FOXJ3: variants seen among roughly 807,000 people sequenced by gnomAD.
FOXJ3 encodes the protein forkhead box J3.
A neutral mutation model predicts 76.1 loss-of-function variants in FOXJ3; 22 were observed. The ratio of observed to expected loss-of-function variants is 0.29; its 90% CI spans 0.21 to 0.41. The LOEUF is 0.41. Among genes scored for constraint, FOXJ3 ranks in the 10% least tolerant of loss-of-function variants. The probability of loss-of-function intolerance (pLI) is 1.00; values close to 1 mark genes in which losing one functional copy is unlikely to be tolerated. For missense variants in FOXJ3, 613 were observed against 762.1 expected (o/e 0.80, Z 2.30); for synonymous variants, 269 against 261.2 (o/e 1.03, Z -0.29).
intron 1 of FOXJ3, among the ~76,000 whole-genome samples, chr1:42,333,108 T>C (rs1211226036): frequency 6.6e-6 from 1 of 152,074 alleles, no homozygotes; most frequent in Admixed American, 6.5e-5. Context: ...AAAGCCTCAG[T>C]ATGTATCAGA....
At position 42,178,627 on chromosome 1, in the gene FOXJ3, TAC is replaced by T. The variant is rs1646258561; in HGVS notation, c.*1081_*1082del. The T allele has an allele frequency of 6.6e-6, 1 of 151,998 alleles. No individual in the cohort carries two copies. Among genetic ancestry groups the T allele is most frequent in the African/African-American group, 2.4e-5 (1 of 41,382 alleles). The allele number at this position is 151,998 out of a possible 1,614,324, so 9.4% of individuals were successfully genotyped here. The stretch of plus-strand genomic sequence containing the variant: ...TGGTGAAACCCCATCTCTACTAAAA[TAC>T]AAAAAATCAGCCAGGCATGGCGGTG... On this transcript the variant is annotated 3_prime_UTR_variant, in exon 13 of 13. Coordinates refer to ENST00000361346, the MANE Select transcript of FOXJ3 (RefSeq NM_014947.5).
chr1:42,305,043 T>C (rs1488248224), intron 2 of FOXJ3, among the ~76,000 whole-genome samples: 3 of 152,194 alleles, frequency 2.0e-5, no homozygotes, highest in Admixed American at 6.5e-5. Context: ...AATAACTGTA[T>C]AGGAGAAAGT....
intron 2 of FOXJ3, among the ~76,000 whole-genome samples, chr1:42,304,976 T>A (rs1415452463): frequency 1.3e-5 from 2 of 152,056 alleles, no homozygotes; most frequent in East Asian, 3.8e-4. Context: ...TGGCTGAAAA[T>A]ATCTGCAAAC....
chr1:42,332,985 T>C (rs1007608126), intron 1 of FOXJ3, among the ~76,000 whole-genome samples: 2 of 152,164 alleles, frequency 1.3e-5, no homozygotes, highest in African/African-American at 4.8e-5. Context: ...CGATATAAGT[T>C]GAAGCTTTCC....
intron 1 of FOXJ3, among the ~76,000 whole-genome samples, chr1:42,312,073 G>A (rs889851244): frequency 1.3e-5 from 2 of 152,184 alleles, no homozygotes; most frequent in Non-Finnish European, 2.9e-5. Flanking sequence ...CAACTGAAGA[G>A]AGCAAGTTCA....
At chr1:42,302,095 G>T (rs1346010461) in intron 2 of FOXJ3, among the ~76,000 whole-genome samples, 2 of 152,158 alleles carry the variant, frequency 1.3e-5, no homozygotes, top group Non-Finnish European at 2.9e-5. Context: ...GCCTTTGAAT[G>T]GTAGTTTTCC....
At chr1:42,237,149 G>A (rs564926728) in intron 4 of FOXJ3, among the ~76,000 whole-genome samples, 3 of 152,084 alleles carry the variant, frequency 2.0e-5, no homozygotes, top group Non-Finnish European at 4.4e-5. Flanking sequence ...GCCGAGGGGG[G>A]TGGATCACGA....
At chr1:42,260,080 T>C (rs1038260561) in intron 4 of FOXJ3, among the ~76,000 whole-genome samples, 9 of 152,230 alleles carry the variant, frequency 5.9e-5, no homozygotes, top group South Asian at 2.1e-4. Context: ...TAAACAGTCA[T>C]CATCTTCTTT....
intron 1 of FOXJ3, among the ~76,000 whole-genome samples, chr1:42,333,476 G>C (rs1656278505): frequency 6.6e-6 from 1 of 152,080 alleles, no homozygotes; most frequent in Non-Finnish European, 1.5e-5. Flanking sequence ...AAACCAAGAA[G>C]ATTCACCTCA....
At chr1:42,236,431 A>G (rs1221949585) in intron 4 of FOXJ3, among the ~76,000 whole-genome samples, 10 of 152,190 alleles carry the variant, frequency 6.6e-5, no homozygotes, top group Non-Finnish European at 1.5e-4. Context: ...TCCGGCCTCT[A>G]AGTATCTTCC....
chr1:42,278,652 C>A lies in FOXJ3; in HGVS notation c.65G>T (p.Ser22Ile). ...TAACCAGTCCATAGACGTTAGGCTG[C>A]TCTCCAGTTCAGATGTCATCCTGAA... ...TSLRMTSELE[S>I]SLTSMDWLPQ... Residue 22 changes from serine to isoleucine, a missense_variant, in exon 3 of 13, where the codon AGC becomes ATC. By Grantham distance (142) the Ser-to-Ile change is moderately radical. Around this residue, in one of 3 missense-constraint regions of FOXJ3, gnomAD observed 77 missense variants for 115.1 expected, o/e 0.67. Coordinates refer to ENST00000361346, the MANE Select transcript of FOXJ3 (RefSeq NM_014947.5). The A allele has an allele frequency of 6.2e-7, 1 of 1,613,342 alleles. No individual in the cohort carries two copies. The highest frequency in any genetic ancestry group is 1.1e-5 in the South Asian group (1 of 91,046).
chr1:42,277,055 A>C (rs944030409), intron 3 of FOXJ3, among the ~76,000 whole-genome samples: 23 of 152,238 alleles, frequency 1.5e-4, no homozygotes, highest in Admixed American at 9.8e-4. Context: ...GTAAGATGTT[A>C]ACATTAGAAG....
In FOXJ3 at chr1:42,179,539, T is replaced by C. The variant is rs946591270; in HGVS notation, c.*171A>G. On this transcript the variant is annotated 3_prime_UTR_variant, in exon 13 of 13. Transcript: ENST00000361346. ...ACATGTAGTACTTGCTTGGGTCAGA[T>C]AAAAGCAGTAAGTTATCCAGCTAAA... 1 of 492,660 alleles carries C rather than the reference T, an allele frequency of 2.0e-6. No individual in the cohort carries two copies. Among genetic ancestry groups the C allele is most frequent in the Non-Finnish European group, 3.7e-6 (1 of 272,006 alleles). 30.5% of individuals were successfully genotyped at this position (492,660 alleles called of 1,614,324 possible).
intron 4 of FOXJ3, among the ~76,000 whole-genome samples, chr1:42,251,599 C>T (rs1019766096): frequency 4.0e-5 from 6 of 151,122 alleles, no homozygotes; most frequent in South Asian, 2.1e-4. Flanking sequence ...TGCTGGATTA[C>T]ATTTATTGAT....
At chr1:42,332,782 T>C (rs1656238361) in intron 1 of FOXJ3, among the ~76,000 whole-genome samples, 1 of 152,200 alleles carries the variant, frequency 6.6e-6, no homozygotes, top group South Asian at 2.1e-4. Flanking sequence ...ACATTGCCAC[T>C]TCTCTCGCTT....
At chr1:42,214,579 G>GA (rs942080489) in intron 5 of FOXJ3, among the ~76,000 whole-genome samples, 1 of 151,820 alleles carries the variant, frequency 6.6e-6, no homozygotes, top group Non-Finnish European at 1.5e-5. Flanking sequence ...ATTATGGTGA[G>GA]AAAAAAAATA....
chr1:42,287,901 G>C (rs1557701168), intron 2 of FOXJ3, among the ~76,000 whole-genome samples: 1 of 152,124 alleles, frequency 6.6e-6, no homozygotes, highest in Non-Finnish European at 1.5e-5. Flanking sequence ...GGGAAGTCGA[G>C]ACTGCAGTGA....
chr1:42,316,719 G>C (rs1220836941), intron 1 of FOXJ3, among the ~76,000 whole-genome samples: 1 of 152,122 alleles, frequency 6.6e-6, no homozygotes, highest in Admixed American at 6.5e-5. Context: ...GAAAGCATTA[G>C]TGTAACACCA....
intron 1 of FOXJ3, chr1:42,315,317 T>C (rs1016058713): frequency 3.8e-6 from 2 of 532,300 alleles, no homozygotes; most frequent in Non-Finnish European, 4.8e-6. Context: ...CACTTTAAAA[T>C]GGTGAACTTC....
Sources: allele counts gnomAD v4.1 joint callset (sites outside exome capture counted in the v4.1 genomes callset), GRCh38; gene constraint gnomAD v4.1.1; regional missense constraint gnomAD v4.1.1; transcripts MANE v1.5; gene names NCBI Gene and HGNC (gene_info 2026-07-23, HGNC 2026-07-21).